Variants in CLSTN1 observed in about 807,000 individuals in gnomAD.
The protein encoded by CLSTN1 is calsyntenin-1.
A neutral mutation model predicts 108.3 loss-of-function variants in CLSTN1; 28 were observed. That is an observed-to-expected ratio of 0.26 (90% CI 0.19 to 0.35). The LOEUF is 0.35. CLSTN1 is among the 10% of genes least tolerant of loss of function. CLSTN1 has a pLI of 1.00. For synonymous variants in CLSTN1, 524 were observed against 534.9 expected (o/e 0.98, Z 0.28); for missense variants, 1,157 against 1,302.6 (o/e 0.89, Z 1.72).
chr1:9,802,434 G>A (rs1165698150), intron 1 of CLSTN1, among the ~76,000 whole-genome samples: 1 of 152,158 alleles, frequency 6.6e-6, no homozygotes, highest in African/African-American at 2.4e-5. Context: ...GCAAATTTCT[G>A]AGATGTTCAC....
At chr1:9,731,724 G>A (rs1272882831) in intron 17 of CLSTN1, 37 bp downstream of exon 17, 1 of 1,611,986 alleles carries the variant, frequency 6.2e-7, no homozygotes, top group Non-Finnish European at 8.5e-7. Flanking sequence ...CGGACGGCAT[G>A]GAGCATCTCC....
chr1:9,736,472 C>T (rs1028006597), intron 11 of CLSTN1, among the ~76,000 whole-genome samples: 1 of 152,114 alleles, frequency 6.6e-6, no homozygotes, highest in Non-Finnish European at 1.5e-5. Context: ...CCCACACAAG[C>T]GAGGCAGGGA....
At chr1:9,735,661 C>A (rs12569008) in intron 12 of CLSTN1, 46 bp from the exon 13 acceptor site, 1 of 1,609,470 alleles carries the variant, frequency 6.2e-7, no homozygotes, top group Non-Finnish European at 8.5e-7. Context: ...AGCCAGTAAC[C>A]GCAGGAGCTG....
chr1:9,773,889 TACTTG>T (rs556522833), intron 1 of CLSTN1, among the ~76,000 whole-genome samples: 250 of 151,622 alleles, frequency 1.6e-3, no homozygotes, highest in African/African-American at 3.8e-3. Flanking sequence ...TGCACCACCA[TACTTG>T]ACTTATTTTT....
chr1:9,731,991 C>G (rs1055994266), intron 16 of CLSTN1, 95 bp from the exon 17 acceptor site: 61 of 1,469,434 alleles, frequency 4.2e-5, no homozygotes, highest in Non-Finnish European at 5.5e-5. Flanking sequence ...ACCAGTGCCA[C>G]TCAGAGTGGC....
In CLSTN1 at chr1:9,795,674, C is replaced by G. The variant is rs1217159188; in HGVS notation, c.92-22280G>C. Among the ~76,000 whole-genome samples, 3 of 151,462 alleles carry G rather than the reference C, an allele frequency of 2.0e-5. 1 individual carries two copies. The East Asian group carries it at 6.0e-4, about 30-fold the overall frequency. ...ATTTTAAGGAAATAAAGGACACTGG[C>G]TGGGTGCGGTGGCTCATGCCTGCAA... On this transcript the variant is annotated intron_variant, in intron 1 of 18. Coordinates refer to ENST00000377298, the MANE Select transcript of CLSTN1 (RefSeq NM_001009566.3).
chr1:9,736,274 T>G (rs990851633), intron 11 of CLSTN1, among the ~76,000 whole-genome samples: 1 of 152,216 alleles, frequency 6.6e-6, no homozygotes, highest in East Asian at 1.9e-4. Context: ...GTGTCTCACC[T>G]GAAGCCAAGA....
chr1:9,819,313 T>A (rs1655107376), intron 1 of CLSTN1, among the ~76,000 whole-genome samples: 1 of 152,146 alleles, frequency 6.6e-6, no homozygotes, highest in African/African-American at 2.4e-5. Context: ...ACTCAGTACT[T>A]TTTTTCCTTT....
chr1:9,733,960 C>T lies in CLSTN1; in HGVS notation c.2281+12G>A, dbSNP rs150821310. 5,415 of 1,602,726 alleles carry T rather than the reference C, an allele frequency of 3.4e-3. 108 individuals carry two copies. The East Asian group carries it at 0.048, about 14-fold the overall frequency. On this transcript the variant is annotated intron_variant, in intron 15 of 18. Coordinates refer to ENST00000377298, the MANE Select transcript of CLSTN1 (RefSeq NM_001009566.3). ...GCCTGGCCCACCTGCGTGGCTGCAGCGCTCCCCTTACCTGTGAAGGTCATG... is the reference window on the plus strand; with the variant it reads ...GCCTGGCCCACCTGCGTGGCTGCAGTGCTCCCCTTACCTGTGAAGGTCATG...
At chr1:9,764,360 G>T (rs924775016) in intron 2 of CLSTN1, among the ~76,000 whole-genome samples, 3 of 152,124 alleles carry the variant, frequency 2.0e-5, no homozygotes, top group Admixed American at 6.6e-5. Context: ...TTCAGTTAGG[G>T]GCACCATGGC....
intron 10 of CLSTN1, among the ~76,000 whole-genome samples, chr1:9,740,008 G>A (rs1650895274): frequency 6.6e-6 from 1 of 151,854 alleles, no homozygotes; most frequent in Non-Finnish European, 1.5e-5. Context: ...AGTAGAGATG[G>A]GATTTCACTG....
chr1:9,731,190 G>A lies in CLSTN1; in HGVS notation c.2748+16C>T, dbSNP rs1457525250. ...GTGCTGCCTCTCAGTCCTGGAGGTC[G>A]CCCGCCCACTCCTACCTCCATGGGG... On this transcript the variant is annotated intron_variant, in intron 18 of 18. Coordinates refer to ENST00000377298, the MANE Select transcript of CLSTN1 (RefSeq NM_001009566.3). 8.7e-6 allele frequency: 14 copies of A among 1,613,868 alleles called. No homozygotes were observed. The highest frequency in any genetic ancestry group is 2.2e-5 in the East Asian group (1 of 44,898).
chr1:9,792,602 C>T (rs1030264225), intron 1 of CLSTN1, among the ~76,000 whole-genome samples: 5 of 151,360 alleles, frequency 3.3e-5, no homozygotes, highest in African/African-American at 9.7e-5. Context: ...ACTCCAGCCA[C>T]GGGTGTCGGG....
At position 9,755,240 on chromosome 1, in the gene CLSTN1, G is replaced by A. The variant is rs772518007; in HGVS notation, c.314C>T (p.Thr105Ile). ...PFDAVVVDKS[T>I]GEGVIRSKEK... Reference sequence around the variant, plus strand: ...TTTGGAGCGAATGACTCCCTCACCAGTGGATTTATCCACTACCACTGCATC... The same window carrying A: ...TTTGGAGCGAATGACTCCCTCACCAATGGATTTATCCACTACCACTGCATC... The change falls in exon 4 of 19, where the codon ACT becomes ATT. Residue 105 changes from threonine to isoleucine, a missense_variant. By Grantham distance (89) the Thr-to-Ile change is moderately conservative. Transcript: ENST00000377298. 1 of 1,614,032 alleles carries A rather than the reference G, an allele frequency of 6.2e-7. No homozygotes were observed. The highest frequency in any genetic ancestry group is 8.5e-7 in the Non-Finnish European group (1 of 1,179,978).
intron 1 of CLSTN1, among the ~76,000 whole-genome samples, chr1:9,815,050 T>C (rs1190313593): frequency 2.0e-5 from 3 of 152,238 alleles, no homozygotes; most frequent in African/African-American, 7.2e-5. Flanking sequence ...CCCCAAACAC[T>C]GCATGTGTAG....
chr1:9,804,061 T>C (rs1035578270), intron 1 of CLSTN1, among the ~76,000 whole-genome samples: 1 of 152,048 alleles, frequency 6.6e-6, no homozygotes, highest in Non-Finnish European at 1.5e-5. Flanking sequence ...ATTCTTGCCT[T>C]TCCCTTATTA....
At chr1:9,758,046 T>C (rs1432344391) in intron 2 of CLSTN1, among the ~76,000 whole-genome samples, 1 of 151,862 alleles carries the variant, frequency 6.6e-6, no homozygotes, top group Non-Finnish European at 1.5e-5. Context: ...TTGCCCAGGA[T>C]GGAGTAACAA....
chr1:9,811,252 G>T (rs116435478), intron 1 of CLSTN1, among the ~76,000 whole-genome samples: 2 of 152,128 alleles, frequency 1.3e-5, no homozygotes, highest in Non-Finnish European at 1.5e-5. Flanking sequence ...CAATTTAGAA[G>T]AAGTTTTAAC....
At chr1:9,771,572 C>T (rs1475426967) in intron 2 of CLSTN1, among the ~76,000 whole-genome samples, 1 of 152,134 alleles carries the variant, frequency 6.6e-6, no homozygotes, top group Non-Finnish European at 1.5e-5. Context: ...TGAGATTGCA[C>T]CACTGCACTC....
Sources: allele counts gnomAD v4.1 joint callset (sites outside exome capture counted in the v4.1 genomes callset), GRCh38; gene constraint gnomAD v4.1.1; transcripts MANE v1.5; gene names NCBI Gene and HGNC (gene_info 2026-07-23, HGNC 2026-07-21).